RAB39A: variants seen among roughly 807,000 people sequenced by gnomAD.
The protein encoded by RAB39A is ras-related protein Rab-39A.
A neutral mutation model predicts 20.9 loss-of-function variants in RAB39A; 17 were observed. That is an observed-to-expected ratio of 0.81 (90% CI 0.56 to 1.22). The LOEUF (loss-of-function observed/expected upper bound fraction) is 1.22, where lower values mean the gene tolerates loss of function less well. RAB39A is among the 50% of genes most tolerant of loss of function. The pLI is 0.00. For missense variants in RAB39A, 234 were observed against 270.5 expected, an observed-to-expected ratio of 0.87 and a Z score of 0.95; for synonymous variants, 99 against 103.4, an observed-to-expected ratio of 0.96 and a Z score of 0.26.
intron 1 of RAB39A, among the ~76,000 whole-genome samples, chr11:107,947,398 C>T (rs924708403): frequency 6.2e-4 from 94 of 152,016 alleles, no homozygotes; most frequent in African/African-American, 1.6e-3. Flanking sequence ...TGAGCCACCG[C>T]GCCTGGCCAA....
intron 1 of RAB39A, among the ~76,000 whole-genome samples, chr11:107,947,796 G>A (rs1591246182): frequency 3.5e-5 from 2 of 57,858 alleles, no homozygotes; most frequent in South Asian, 6.4e-4. Context: ...GAAAGGAACA[G>A]CATCAACAGG....
intron 1 of RAB39A, among the ~76,000 whole-genome samples, chr11:107,955,277 A>G (rs1861422372): frequency 2.0e-5 from 3 of 151,990 alleles, no homozygotes; most frequent in Admixed American, 2.0e-4. Context: ...GATTACAGGC[A>G]TGAGCCACTG....
intron 1 of RAB39A, among the ~76,000 whole-genome samples, chr11:107,933,263 C>G (rs1413599317): frequency 6.7e-6 from 1 of 149,100 alleles, no homozygotes; most frequent in Non-Finnish European, 1.5e-5. Flanking sequence ...GCAGTGCTGT[C>G]AAGGAGTGCT....
chr11:107,938,316 C>T (rs1455071359), intron 1 of RAB39A, among the ~76,000 whole-genome samples: 18 of 144,948 alleles, frequency 1.2e-4, no homozygotes, highest in Non-Finnish European at 1.5e-5. Flanking sequence ...GCCGAGATCA[C>T]GCCACTGCAC....
chr11:107,951,701 C>G (rs953523583), intron 1 of RAB39A, among the ~76,000 whole-genome samples: 1 of 146,768 alleles, frequency 6.8e-6, no homozygotes, highest in African/African-American at 2.5e-5. Flanking sequence ...TTCACTGCAG[C>G]CTTGGACTCC....
intron 1 of RAB39A, among the ~76,000 whole-genome samples, chr11:107,944,466 G>T (rs1591244484): frequency 6.6e-6 from 1 of 152,028 alleles, no homozygotes; most frequent in East Asian, 1.9e-4. Flanking sequence ...AATAATCTCG[G>T]CTCAAGGCAA....
chr11:107,937,453 T>C (rs1008668018), intron 1 of RAB39A, among the ~76,000 whole-genome samples: 5 of 151,918 alleles, frequency 3.3e-5, no homozygotes, highest in Non-Finnish European at 7.4e-5. Context: ...ATTAGTTTAA[T>C]AGGGAATAAA....
chr11:107,951,125 G>A (rs929071937), intron 1 of RAB39A, among the ~76,000 whole-genome samples: 1 of 152,172 alleles, frequency 6.6e-6, no homozygotes, highest in Non-Finnish European at 1.5e-5. Context: ...TCTTAAGATT[G>A]TTTGTATGAA....
chr11:107,937,059 C>T lies in RAB39A; in HGVS notation c.227+8264C>T, dbSNP rs564527864. On this transcript the variant is annotated intron_variant, in intron 1 of 1. Coordinates refer to ENST00000320578, the MANE Select transcript of RAB39A (RefSeq NM_017516.3). ...AAGTTATTGTTAATAGAAAGGTCAG[C>T]TATAGTTCTATTATCAGGTAATATA... 3.9e-5 allele frequency among the ~76,000 whole-genome samples: 6 copies of T among 152,218 alleles called. No individual in the cohort carries two copies. The South Asian group carries it at 1.2e-3, about 32-fold the overall frequency.
At chr11:107,944,166 A>C (rs1407175960) in intron 1 of RAB39A, among the ~76,000 whole-genome samples, 2 of 152,052 alleles carry the variant, frequency 1.3e-5, no homozygotes, top group African/African-American at 2.4e-5. Context: ...CTGCCTCAAC[A>C]TCAGTTTCTA....
Position 107,931,256 on chromosome 11 carries a change from C to T in RAB39A, c.227+2461C>T, listed in dbSNP as rs190243621. ...CCTCCCAAAGTGCTGAGATTACAGG[C>T]GCGTGAGCCACCGCGCCTGGCCTAG... On this transcript the variant is annotated intron_variant, in intron 1 of 1. Transcript: ENST00000320578. Among the ~76,000 whole-genome samples, 199 of 151,896 alleles carry T rather than the reference C, an allele frequency of 1.3e-3. 4 individuals carry two copies. In the East Asian group the frequency reaches 0.033, roughly 25 times the overall value.
At chr11:107,944,921 A>G (rs1266838294) in intron 1 of RAB39A, among the ~76,000 whole-genome samples, 1 of 152,020 alleles carries the variant, frequency 6.6e-6, no homozygotes, top group African/African-American at 2.4e-5. Flanking sequence ...ATGATGGCTC[A>G]CACCTGTAAT....
chr11:107,960,314 A>G (rs1861482924), intron 1 of RAB39A, among the ~76,000 whole-genome samples: 1 of 152,244 alleles, frequency 6.6e-6, no homozygotes, highest in African/African-American at 2.4e-5. Context: ...TATCAAGAAA[A>G]TTAAGATAAT....
chr11:107,961,924 C>T (rs1417458833), intron 1 of RAB39A, 22 bp from the exon 2 acceptor site: 1 of 1,576,844 alleles, frequency 6.3e-7, no homozygotes, highest in Non-Finnish European at 8.6e-7. Flanking sequence ...CTTATACAAC[C>T]TTTTTTCTCT....
At chr11:107,949,577 A>G (rs1160388109) in intron 1 of RAB39A, among the ~76,000 whole-genome samples, 3 of 152,220 alleles carry the variant, frequency 2.0e-5, no homozygotes, top group Admixed American at 6.5e-5. Context: ...ACTGTGTTAT[A>G]TGGAATATAA....
chr11:107,955,168 T>G (rs932995416), intron 1 of RAB39A, among the ~76,000 whole-genome samples: 1 of 151,846 alleles, frequency 6.6e-6, no homozygotes, highest in African/African-American at 2.4e-5. Context: ...GGCTAATTTT[T>G]TTGTATTTTT....
rs536923457 is a variant in RAB39A at position 107,963,039 on chromosome 11, G to A, written c.*667G>A. On this transcript the variant is annotated 3_prime_UTR_variant, in exon 2 of 2. Transcript: ENST00000320578. ...AGCAAATATTTGTAAAATTAAAAAC[G>A]GAGGACCGCTCACCAAATGTTTGAA... 1 of 151,682 alleles carries A rather than the reference G, an allele frequency of 6.6e-6. No homozygotes were observed. The highest frequency in any genetic ancestry group is 2.4e-5 in the African/African-American group (1 of 41,348). 9.4% of individuals were successfully genotyped at this position (151,682 alleles called of 1,614,324 possible).
intron 1 of RAB39A, among the ~76,000 whole-genome samples, chr11:107,949,581 A>T (rs559721014): frequency 6.6e-6 from 1 of 152,294 alleles, no homozygotes; most frequent in Non-Finnish European, 1.5e-5. Context: ...TGTTATATGG[A>T]ATATAAAATA....
intron 1 of RAB39A, among the ~76,000 whole-genome samples, chr11:107,931,350 A>G (rs1291902403): frequency 6.6e-6 from 1 of 152,234 alleles, no homozygotes; most frequent in African/African-American, 2.4e-5. Context: ...TATTAAAACC[A>G]AACAGTAACT....
Sources: gnomAD v4.1 joint callset for allele counts (sites outside exome capture counted in the v4.1 genomes callset) on GRCh38, gnomAD v4.1.1 for gene constraint, MANE v1.5 for transcripts, NCBI Gene and HGNC (gene_info 2026-07-23, HGNC 2026-07-21) for gene names.